The following CHCHD3 variants were observed in gnomAD, a reference collection of about 807,000 sequenced individuals.
CHCHD3 encodes coiled-coil-helix-coiled-coil-helix domain containing 3.
A neutral mutation model predicts 38.2 loss-of-function variants in CHCHD3; 20 were observed. The ratio of observed to expected loss-of-function variants is 0.52; its 90% CI spans 0.37 to 0.76. The LOEUF is 0.76. CHCHD3 is among the 30% of genes least tolerant of loss of function. The pLI is 0.00. For synonymous variants in CHCHD3, 82 were observed against 100.0 expected, an observed-to-expected ratio of 0.82 and a Z score of 1.07; for missense variants, 245 against 279.2, an observed-to-expected ratio of 0.88 and a Z score of 0.87.
chr7:132,947,162 TTAGC>T (rs1810921440), intron 4 of CHCHD3, among the ~76,000 whole-genome samples: 1 of 152,014 alleles, frequency 6.6e-6, no homozygotes, highest in Admixed American at 6.6e-5. Context: ...TTTCTTATAA[TTAGC>T]TAATCACTAC....
At chr7:133,000,864 C>T (rs1812551835) in intron 3 of CHCHD3, among the ~76,000 whole-genome samples, 1 of 152,152 alleles carries the variant, frequency 6.6e-6, no homozygotes, top group South Asian at 2.1e-4. Context: ...AACCACACTT[C>T]AAGTGTTTAA....
chr7:132,913,185 C>T (rs1414660690), intron 4 of CHCHD3, among the ~76,000 whole-genome samples: 1 of 152,146 alleles, frequency 6.6e-6, no homozygotes, highest in Non-Finnish European at 1.5e-5. Context: ...TCTGCTTCAA[C>T]GAAGCCAAAA....
At chr7:132,813,860 C>A (rs1807135388) in intron 6 of CHCHD3, among the ~76,000 whole-genome samples, 1 of 152,152 alleles carries the variant, frequency 6.6e-6, no homozygotes, top group South Asian at 2.1e-4. Flanking sequence ...AAAAATCACG[C>A]CTCCAGCATG....
intron 5 of CHCHD3, chr7:132,849,051 T>A (rs1280947700): frequency 6.6e-6 from 1 of 152,236 alleles, no homozygotes. Context: ...TTATTTAAAC[T>A]GAGTCTCGCT....
chr7:132,904,447 C>G lies in CHCHD3; in HGVS notation c.370-18702G>C, dbSNP rs191543977. 2.8e-3 allele frequency among the ~76,000 whole-genome samples: 422 copies of G among 152,212 alleles called. 10 individuals are homozygous for G. Among genetic ancestry groups the G allele is most frequent in the Non-Finnish European group, 5.4e-4 (37 of 68,010 alleles). ...TTAAAGTTAGCATACTAAGCAATAT[C>G]TCAATATTCTTAAAAACCTACCTGC... On this transcript the variant is annotated intron_variant, in intron 4 of 7. Transcript: ENST00000262570.
chr7:132,820,539 T>C (rs1807336060), intron 6 of CHCHD3, among the ~76,000 whole-genome samples: 1 of 151,904 alleles, frequency 6.6e-6, no homozygotes, highest in South Asian at 2.1e-4. Context: ...GTGATTGAGT[T>C]AGCCCAGGCT....
intron 4 of CHCHD3, among the ~76,000 whole-genome samples, chr7:132,927,574 T>C (rs1810406486): frequency 6.6e-6 from 1 of 152,232 alleles, no homozygotes. Context: ...ACAGCTTGAA[T>C]TTCTAAAGCA....
chr7:132,863,189 G>A (rs80240266), intron 5 of CHCHD3, among the ~76,000 whole-genome samples: 1,719 of 152,186 alleles, frequency 0.011, 38 homozygotes, highest in African/African-American at 0.037. Flanking sequence ...CTTATAATAC[G>A]TATTTCTTAA....
intron 2 of CHCHD3, among the ~76,000 whole-genome samples, chr7:133,043,532 G>A (rs1468920192): frequency 2.0e-5 from 3 of 151,876 alleles, no homozygotes; most frequent in African/African-American, 4.8e-5. Flanking sequence ...GTCCCACCCA[G>A]CTACTCGGGA....
chr7:133,035,141 C>T lies in CHCHD3; in HGVS notation c.170-10514G>A, dbSNP rs1266734294. ...CCTGCTCACATTCATCCATCTCCTCCTCAGGAGCAGGGGCAGCCGCCTTTT... is the reference window on the plus strand; with the variant it reads ...CCTGCTCACATTCATCCATCTCCTCTTCAGGAGCAGGGGCAGCCGCCTTTT... On this transcript the variant is annotated intron_variant, in intron 2 of 7. Transcript: ENST00000262570. This position sits in a 1 kb window ranked among gnomAD's most constrained non-coding sequence, Gnocchi z 4.7. 6.2e-7 allele frequency: 1 copy of T among 1,612,962 alleles called. No individual in the cohort carries two copies. The highest frequency in any genetic ancestry group is 1.1e-5 in the South Asian group (1 of 91,076).
At chr7:132,926,699 C>T (rs1810387035) in intron 4 of CHCHD3, among the ~76,000 whole-genome samples, 1 of 152,172 alleles carries the variant, frequency 6.6e-6, no homozygotes, top group African/African-American at 2.4e-5. Context: ...AAAATGGCAT[C>T]ATATTTGTAT....
At chr7:132,808,468 CA>C (rs1806986908) in intron 6 of CHCHD3, among the ~76,000 whole-genome samples, 1 of 152,194 alleles carries the variant, frequency 6.6e-6, no homozygotes, top group South Asian at 2.1e-4. Context: ...GTCTCTTCAC[CA>C]GTCAGTAGCT....
At chr7:132,939,493 C>G (rs1401399588) in intron 4 of CHCHD3, among the ~76,000 whole-genome samples, 1 of 152,130 alleles carries the variant, frequency 6.6e-6, no homozygotes, top group Non-Finnish European at 1.5e-5. Flanking sequence ...AGGTTTGTAG[C>G]CTAGGAGCAA....
At chr7:132,822,986 G>A (rs1050133491) in intron 6 of CHCHD3, among the ~76,000 whole-genome samples, 12 of 152,026 alleles carry the variant, frequency 7.9e-5, no homozygotes, top group African/African-American at 2.9e-4. Context: ...TGACCCAGGG[G>A]GATGTATCCA....
intron 7 of CHCHD3, 110 bp from the exon 8 acceptor site, chr7:132,785,770 AAC>A: frequency 1.7e-6 from 2 of 1,161,090 alleles, no homozygotes; most frequent in Non-Finnish European, 2.6e-6. Flanking sequence ...TAATTTTAAA[AAC>A]ACAGAAAACA....
intron 4 of CHCHD3, among the ~76,000 whole-genome samples, chr7:132,936,338 C>G (rs1026047456): frequency 6.6e-6 from 1 of 152,116 alleles, no homozygotes; most frequent in Admixed American, 6.5e-5. Flanking sequence ...AAAGTAAAAA[C>G]TGAGAAATTC....
chr7:132,917,196 C>A (rs563941275), intron 4 of CHCHD3, among the ~76,000 whole-genome samples: 1 of 152,224 alleles, frequency 6.6e-6, no homozygotes, highest in South Asian at 2.1e-4. Flanking sequence ...CTGTTATATA[C>A]AACCCTATGG....
intron 2 of CHCHD3, among the ~76,000 whole-genome samples, chr7:133,045,333 GGA>G (rs1418498075): frequency 6.6e-6 from 1 of 152,164 alleles, no homozygotes. Context: ...ACGACGCACA[GGA>G]GAGACATGCC....
chr7:133,058,944 C>T (rs1814419025), intron 2 of CHCHD3, among the ~76,000 whole-genome samples: 1 of 152,262 alleles, frequency 6.6e-6, no homozygotes, highest in Non-Finnish European at 1.5e-5. Context: ...TGAGCTAGCT[C>T]CCTGATCTCC....
Sources: allele counts gnomAD v4.1 joint callset (sites outside exome capture counted in the v4.1 genomes callset), GRCh38; gene constraint gnomAD v4.1.1; non-coding constraint Gnocchi (gnomAD v3.1); transcripts MANE v1.5; gene names NCBI Gene and HGNC (gene_info 2026-07-23, HGNC 2026-07-21).